PIAS2: variants seen among roughly 807,000 people sequenced by gnomAD.
PIAS2 encodes the protein E3 SUMO-protein ligase PIAS2.
Under a neutral mutation model 69.7 loss-of-function variants are expected in PIAS2, and 19 were observed. The observed-to-expected ratio is 0.27, with a 90% CI of 0.19 to 0.40. The LOEUF is 0.40. Ranked by LOEUF, PIAS2 falls within the 10% of genes least tolerant of loss-of-function variation. PIAS2 has a pLI of 1.00. For synonymous variants in PIAS2, 261 were observed against 263.2 expected (o/e 0.99, Z 0.08); for missense variants, 624 against 757.0 (o/e 0.82, Z 2.06).
intron 9 of PIAS2, among the ~76,000 whole-genome samples, chr18:46,830,786 T>G (rs504668): frequency 6.6e-6 from 1 of 151,908 alleles, no homozygotes; most frequent in Non-Finnish European, 1.5e-5. Flanking sequence ...CAATGTCTTC[T>G]CTAGGGAATT....
rs2040974615 is a variant in PIAS2 at position 46,811,139 on chromosome 18, T to C, written c.*1294A>G. 1 of 152,028 alleles carries C rather than the reference T, an allele frequency of 6.6e-6. No individual in the cohort carries two copies. The highest frequency in any genetic ancestry group is 6.5e-5 in the Admixed American group (1 of 15,268). 9.4% of individuals were successfully genotyped at this position (152,028 alleles called of 1,614,324 possible). On this transcript the variant is annotated 3_prime_UTR_variant, in exon 14 of 14. Coordinates refer to ENST00000585916, the MANE Select transcript of PIAS2 (RefSeq NM_004671.5). Reference sequence around the variant, plus strand: ...CAGAGGTTCCCTGGAGTGTTTGGGGTAGCATGGATTGAGACAGGAAGTGGG... The same window carrying C: ...CAGAGGTTCCCTGGAGTGTTTGGGGCAGCATGGATTGAGACAGGAAGTGGG...
intron 1 of PIAS2, among the ~76,000 whole-genome samples, chr18:46,897,104 A>G (rs899051184): frequency 6.6e-6 from 1 of 152,130 alleles, no homozygotes; most frequent in African/African-American, 2.4e-5. Flanking sequence ...TGAACAGGGG[A>G]AACTGGGTGT....
intron 5 of PIAS2, chr18:46,853,565 G>A (rs1361968285): frequency 6.6e-6 from 1 of 152,352 alleles, no homozygotes; most frequent in Admixed American, 6.5e-5. Context: ...GCCAAGGCAG[G>A]TGGATCACGA....
intron 2 of PIAS2, among the ~76,000 whole-genome samples, chr18:46,868,713 A>T (rs1317878993): frequency 6.6e-6 from 1 of 152,206 alleles, no homozygotes; most frequent in African/African-American, 2.4e-5. Flanking sequence ...TTTGCTGAGA[A>T]ATCCTTCATT....
At chr18:46,861,271 G>GA (rs1319477578) in intron 3 of PIAS2, among the ~76,000 whole-genome samples, 2 of 151,826 alleles carry the variant, frequency 1.3e-5, no homozygotes, top group African/African-American at 2.4e-5. Context: ...ATGAATGAAA[G>GA]AAAGAAAAGA....
At chr18:46,889,761 G>GA (rs2053774150) in intron 2 of PIAS2, among the ~76,000 whole-genome samples, 1 of 152,172 alleles carries the variant, frequency 6.6e-6, no homozygotes, top group Non-Finnish European at 1.5e-5. Flanking sequence ...GGGTCTCAAA[G>GA]AGATACGTGT....
At chr18:46,913,968 A>G (rs1354888044) in intron 1 of PIAS2, among the ~76,000 whole-genome samples, 15 of 152,190 alleles carry the variant, frequency 9.9e-5, no homozygotes, top group Non-Finnish European at 1.5e-5. Context: ...TGCCCTCCAG[A>G]CCATTTTTGG....
chr18:46,919,741 C>T, upstream of PIAS2, among the ~76,000 whole-genome samples: 1 of 152,138 alleles, frequency 6.6e-6, no homozygotes, highest in East Asian at 1.9e-4. Context: ...AAATAGTTGG[C>T]CTTGTATTTG....
chr18:46,819,915 T>C (rs1246257087), intron 12 of PIAS2, among the ~76,000 whole-genome samples: 1 of 152,190 alleles, frequency 6.6e-6, no homozygotes, highest in Non-Finnish European at 1.5e-5. Flanking sequence ...GCAACCTTAA[T>C]ATTTTACAGT....
intron 5 of PIAS2, among the ~76,000 whole-genome samples, chr18:46,854,698 C>T (rs1201407854): frequency 1.3e-5 from 2 of 152,166 alleles, no homozygotes; most frequent in African/African-American, 4.8e-5. Context: ...TACTCTCTCA[C>T]TGCTTAAATG....
intron 2 of PIAS2, among the ~76,000 whole-genome samples, chr18:46,867,036 T>A (rs1412548455): frequency 1.3e-5 from 2 of 152,192 alleles, no homozygotes; most frequent in Non-Finnish European, 2.9e-5. Context: ...GTTGTACATG[T>A]ATGTTCAACA....
At chr18:46,829,710 T>A (rs1401732250) in intron 10 of PIAS2, 24 bp downstream of exon 10, 1 of 1,605,380 alleles carries the variant, frequency 6.2e-7, no homozygotes, top group East Asian at 2.2e-5. Context: ...ACTGCTTTAC[T>A]CTCTGCTGCT....
intron 2 of PIAS2, among the ~76,000 whole-genome samples, chr18:46,883,536 C>T (rs2052642582): frequency 6.6e-6 from 1 of 151,938 alleles, no homozygotes; most frequent in Non-Finnish European, 1.5e-5. Flanking sequence ...GACCTCCTCT[C>T]CACAAATAAA....
intron 2 of PIAS2, among the ~76,000 whole-genome samples, chr18:46,877,368 ACTTC>A (rs2051385184): frequency 6.6e-6 from 1 of 152,174 alleles, no homozygotes; most frequent in Non-Finnish European, 1.5e-5. Context: ...CTCGAGATCA[ACTTC>A]CTTGTCTCTT....
chr18:46,804,403 C>G lies in PIAS2; in HGVS notation c.*8030G>C, dbSNP rs902153905. The G allele has an allele frequency of 6.6e-6, 1 of 152,132 alleles. No homozygotes were observed. The highest frequency in any genetic ancestry group is 1.5e-5 in the Non-Finnish European group (1 of 68,018). The allele number at this position is 152,132 out of a possible 1,614,324, so 9.4% of individuals were successfully genotyped here. The stretch of plus-strand genomic sequence containing the variant: ...ACTCCTCAATTACAAGCTGCATGAC[C>G]CTGGGCAAGTAAGTCGCTTATCCTG... On this transcript the variant is annotated 3_prime_UTR_variant, in exon 14 of 14. Coordinates refer to ENST00000585916, the MANE Select transcript of PIAS2 (RefSeq NM_004671.5).
Position 46,807,358 on chromosome 18 carries a change from TATA to T in PIAS2, c.*5072_*5074del. 3.9e-5 allele frequency: 1 copy of T among 25,372 alleles called. No homozygotes were observed. Among genetic ancestry groups the T allele is most frequent in the Non-Finnish European group, 7.7e-5 (1 of 13,062 alleles). 1.6% of individuals were successfully genotyped at this position (25,372 alleles called of 1,614,324 possible). A position where few individuals can be genotyped will look rare whatever the true frequency, so the allele number is the denominator to read the frequency against. The stretch of plus-strand genomic sequence containing the variant: ...TGTTTCTGAAACATGTCAGATTTTA[TATA>T]TATATATATATATATATATATATTT... On this transcript the variant is annotated 3_prime_UTR_variant, in exon 14 of 14. Transcript: ENST00000585916.
At chr18:46,842,968 C>A (rs1293043592) in intron 8 of PIAS2, among the ~76,000 whole-genome samples, 1 of 152,178 alleles carries the variant, frequency 6.6e-6, no homozygotes, top group South Asian at 2.1e-4. Flanking sequence ...AAAAAAAGAT[C>A]TGCAAATACC....
At chr18:46,872,859 G>A (rs1398961978) in intron 2 of PIAS2, among the ~76,000 whole-genome samples, 1 of 152,264 alleles carries the variant, frequency 6.6e-6, no homozygotes, top group East Asian at 1.9e-4. Context: ...TTTCTCCTAT[G>A]GACTTCTGAT....
chr18:46,858,204 A>T (rs1568557054), intron 3 of PIAS2, among the ~76,000 whole-genome samples: 1 of 146,632 alleles, frequency 6.8e-6, no homozygotes. Context: ...GTTAGAAAAG[A>T]GTAACAGGAG....
Sources: gnomAD v4.1 joint callset for allele counts (sites outside exome capture counted in the v4.1 genomes callset) on GRCh38, gnomAD v4.1.1 for gene constraint, MANE v1.5 for transcripts, NCBI Gene and HGNC (gene_info 2026-07-23, HGNC 2026-07-21) for gene names.